TRPM5: variants seen among roughly 807,000 people sequenced by gnomAD.
TRPM5 encodes the protein transient receptor potential cation channel subfamily M member 5, also known as MLSN1 and TRP-related.
A neutral mutation model predicts 124.9 loss-of-function variants in TRPM5; 121 were observed. That is an observed-to-expected ratio of 0.97 (90% CI 0.84 to 1.13). TRPM5 has a LOEUF of 1.13. TRPM5 is among the 50% of genes most tolerant of loss of function. The pLI, the probability that TRPM5 is intolerant of heterozygous loss-of-function variation, is 0.00. For missense variants in TRPM5, 1,643 were observed against 1,589.1 expected, an observed-to-expected ratio of 1.03 and a Z score of -0.58; for synonymous variants, 781 against 700.5, an observed-to-expected ratio of 1.11 and a Z score of -1.81.
Position 2,407,900 on chromosome 11 carries a change from T to C in TRPM5, c.2795A>G (p.Asn932Ser), listed in dbSNP as rs930238386. Residue 932 changes from asparagine (N) to serine (S), a missense_variant, in exon 19 of 24, where the codon AAC becomes AGC. Transcript: ENST00000155858. ...CAGCAGCAGTGGGTGGGTGGAGCAG[T>C]TCACACGGGCTTCTGGAAAGCAAGG... is the stretch of plus-strand genomic sequence containing the variant. 8 of 1,613,400 alleles carry C rather than the reference T, an allele frequency of 5.0e-6. No homozygotes were observed. The African/African-American group carries it at 1.1e-4, about 22-fold the overall frequency.
the TRPM5 span, among the ~76,000 whole-genome samples, chr11:2,438,336 C>T: frequency 6.6e-6 from 1 of 152,154 alleles, no homozygotes; most frequent in Non-Finnish European, 1.5e-5. The surrounding 1 kb of genome is among the most constrained non-coding windows in gnomAD (Gnocchi z 5.9). Context: ...ACATCTAACC[C>T]AGGAGATGAC....
chr11:2,406,241 C>T, intron 21 of TRPM5, 150 bp from the exon 27 acceptor site: 1 of 795,784 alleles, frequency 1.3e-6, no homozygotes, highest in East Asian at 2.6e-5. Flanking sequence ...TCTGGTGGCA[C>T]CAGGACCCCT....
the TRPM5 span, among the ~76,000 whole-genome samples, chr11:2,429,181 G>C: frequency 6.6e-6 from 1 of 151,362 alleles, no homozygotes; most frequent in Non-Finnish European, 1.5e-5. This position sits in a 1 kb window ranked among gnomAD's most constrained non-coding sequence, Gnocchi z 8.4. Flanking sequence ...TGGGGTAGTG[G>C]TGGTTATGGT....
chr11:2,422,366 T>G (rs2133536415), intron 1 of TRPM5, 45 bp from the exon 7 acceptor site: 56 of 1,113,998 alleles, frequency 5.0e-5, no homozygotes, highest in East Asian at 2.2e-4. Flanking sequence ...GCACGGGGCA[T>G]GGGAGCTGCT....
rs1021710925 is a variant in TRPM5 at position 2,420,142 on chromosome 11, C to T, written c.649+80G>A. ...AGCCCTCCCCCTTCTCCCTGGCGGT[C>T]ACCCCCACTCTCCCACAGGCGGGTC... On this transcript the variant is annotated intron_variant, in intron 4 of 23. Coordinates refer to ENST00000155858, the Ensembl canonical transcript of TRPM5. 8.8e-6 allele frequency: 13 copies of T among 1,481,688 alleles called. No homozygotes were observed. In the African/African-American group the frequency reaches 1.8e-4, roughly 21 times the overall value. The allele number at this position is 1,481,688 out of a possible 1,614,324, so 91.8% of individuals were successfully genotyped here.
the TRPM5 span, among the ~76,000 whole-genome samples, chr11:2,430,797 G>A: frequency 6.7e-6 from 1 of 149,390 alleles, no homozygotes. Context: ...GGTGGTGGTG[G>A]TTTTGGTGGC....
upstream of TRPM5, among the ~76,000 whole-genome samples, chr11:2,425,564 G>C (rs551002005): frequency 5.3e-5 from 8 of 152,286 alleles, no homozygotes; most frequent in South Asian, 1.7e-3. Context: ...CGCCCCATCT[G>C]GGAGGACACC....
intron 16 of TRPM5, 132 bp from the exon 22 acceptor site, chr11:2,411,899 CTTTTG>C: frequency 8.6e-7 from 1 of 1,156,884 alleles, no homozygotes; most frequent in Non-Finnish European, 1.2e-6. Flanking sequence ...GTGGCTTCAT[CTTTTG>C]TTTATTTATT....
At chr11:2,424,973 C>T (rs1845825993), upstream of TRPM5, among the ~76,000 whole-genome samples, 1 of 152,178 alleles carries the variant, frequency 6.6e-6, no homozygotes, top group Admixed American at 6.5e-5. Flanking sequence ...GCTGTCCCTG[C>T]AGGGTGATGC....
intron 19 of TRPM5, among the ~76,000 whole-genome samples, 192 bp downstream of exon 24, chr11:2,407,567 G>A (rs955483236): frequency 2.6e-5 from 4 of 152,224 alleles, no homozygotes; most frequent in Non-Finnish European, 4.4e-5. Context: ...CTGGGAGGGT[G>A]GCCCACAGAG....
Position 2,414,296 on chromosome 11 carries a change from G to A in TRPM5, c.1745-90C>T, listed in dbSNP as rs973501567. The A allele has an allele frequency of 7.4e-6, 11 of 1,496,312 alleles. No individual in the cohort carries two copies. In the Admixed American group the frequency reaches 2.1e-4, roughly 28 times the overall value. 92.7% of individuals were successfully genotyped at this position (1,496,312 alleles called of 1,614,324 possible). ...TCCTCCATCCCCTGCCCAGACCTGGGCTCTGCAGCCGCACCCTGCGTTCAA... is the reference window on the plus strand; with the variant it reads ...TCCTCCATCCCCTGCCCAGACCTGGACTCTGCAGCCGCACCCTGCGTTCAA... On this transcript the variant is annotated intron_variant, in intron 11 of 23. Coordinates refer to ENST00000155858, the Ensembl canonical transcript of TRPM5.
intron 18 of TRPM5, among the ~76,000 whole-genome samples, chr11:2,410,026 G>A (rs775950951): frequency 2.8e-4 from 42 of 152,216 alleles, no homozygotes; most frequent in East Asian, 7.7e-4. Flanking sequence ...GGAGGCGCCC[G>A]TCTAGAGCTC....
chr11:2,436,768 T>C, the TRPM5 span, among the ~76,000 whole-genome samples: 8 of 152,204 alleles, frequency 5.3e-5, no homozygotes, highest in Non-Finnish European at 1.2e-4. Context: ...CCGGAAGTGA[T>C]TTCCGCCAGA....
intron 13 of TRPM5, 60 bp downstream of exon 18, chr11:2,413,416 G>C: frequency 6.7e-7 from 1 of 1,494,688 alleles, no homozygotes; most frequent in South Asian, 1.2e-5. Flanking sequence ...GGCCCTCCCC[G>C]TAGCTCCGGC....
At chr11:2,412,827 G>C (rs556364904) in exon 15 of TRPM5, 2 of 1,604,564 alleles carry the variant, frequency 1.2e-6, no homozygotes, top group East Asian at 4.5e-5. Flanking sequence ...GGGGCCCTGG[G>C]GGGGCGGCCT....
chr11:2,440,027 A>C, the TRPM5 span, among the ~76,000 whole-genome samples: 1 of 152,222 alleles, frequency 6.6e-6, no homozygotes, highest in Non-Finnish European at 1.5e-5. The surrounding 1 kb of genome is among the most constrained non-coding windows in gnomAD (Gnocchi z 5.2). Flanking sequence ...TGTCATCTGC[A>C]GCAACATGGG....
chr11:2,437,387 T>C, the TRPM5 span, among the ~76,000 whole-genome samples: 3 of 152,138 alleles, frequency 2.0e-5, no homozygotes, highest in East Asian at 1.9e-4. The surrounding 1 kb of genome is among the most constrained non-coding windows in gnomAD (Gnocchi z 5.6). Context: ...TCAGTGTGCA[T>C]GTGGACCTGC....
chr11:2,420,257 T>C (rs1163777861), exon 4 of TRPM5: 1 of 1,610,212 alleles, frequency 6.2e-7, no homozygotes, highest in Non-Finnish European at 8.5e-7. Flanking sequence ...GATGTGCTTC[T>C]CCAGCCTCAG....
chr11:2,425,390 G>A (rs557322878), upstream of TRPM5, among the ~76,000 whole-genome samples: 2 of 152,216 alleles, frequency 1.3e-5, no homozygotes, highest in African/African-American at 2.4e-5. Context: ...CTTGGTTGCC[G>A]CATGGTCTGC....
Sources: gnomAD v4.1 joint callset for allele counts (sites outside exome capture counted in the v4.1 genomes callset) on GRCh38, gnomAD v4.1.1 for gene constraint, Gnocchi (gnomAD v3.1) non-coding constraint, MANE v1.5 for transcripts, NCBI Gene and HGNC (gene_info 2026-07-23, HGNC 2026-07-21) for gene names.